Variants in FBXL5 observed in about 807,000 individuals in gnomAD.
The protein encoded by FBXL5 is F-box/LRR-repeat protein 5.
A neutral mutation model predicts 78.3 loss-of-function variants in FBXL5; 26 were observed. The ratio of observed to expected loss-of-function variants is 0.33; its 90% CI spans 0.24 to 0.46. The LOEUF is 0.46. FBXL5 is among the 20% of genes least tolerant of loss of function. The probability of loss-of-function intolerance (pLI) is 1.00; values close to 1 mark genes in which losing one functional copy is unlikely to be tolerated. For synonymous variants in FBXL5, 295 were observed against 282.5 expected (o/e 1.04, Z -0.45); for missense variants, 710 against 829.2 (o/e 0.86, Z 1.77).
chr4:15,653,207 T>C (rs556924491), intron 1 of FBXL5, among the ~76,000 whole-genome samples: 2 of 152,300 alleles, frequency 1.3e-5, no homozygotes, highest in African/African-American at 4.8e-5. Context: ...ATCTAATTAA[T>C]TCAGAATTAG....
chr4:15,610,771 T>C (rs1722198452), intron 10 of FBXL5, among the ~76,000 whole-genome samples: 1 of 152,088 alleles, frequency 6.6e-6, no homozygotes, highest in Non-Finnish European at 1.5e-5. Context: ...GTGAGATTTA[T>C]TCCAAAGCAT....
chr4:15,640,203 G>C lies in FBXL5; in HGVS notation c.396+585C>G, dbSNP rs115894167. Among the ~76,000 whole-genome samples, 531 of 152,010 alleles carry C rather than the reference G, an allele frequency of 3.5e-3. 6 individuals are homozygous for C. Among genetic ancestry groups the C allele is most frequent in the African/African-American group, 0.012 (514 of 41,454 alleles). On this transcript the variant is annotated intron_variant, in intron 3 of 10. Coordinates refer to ENST00000341285, the MANE Select transcript of FBXL5 (RefSeq NM_012161.4). ...TGACAGGCACATGCCACCATGCCCA[G>C]CTGATTTTTTTAATTTTTAGCAGAC...
At chr4:15,649,662 T>C (rs1287178897) in intron 1 of FBXL5, among the ~76,000 whole-genome samples, 1 of 151,090 alleles carries the variant, frequency 6.6e-6, no homozygotes, top group Admixed American at 6.6e-5. Context: ...TTTATATAAA[T>C]AGTTTTTAAA....
At chr4:15,677,445 T>G (rs558546919) in intron 1 of FBXL5, among the ~76,000 whole-genome samples, 2 of 152,270 alleles carry the variant, frequency 1.3e-5, no homozygotes, top group Admixed American at 6.5e-5. Context: ...CTAGGTACCT[T>G]CAGGATGGAG....
chr4:15,669,922 G>T (rs145835021), intron 1 of FBXL5, among the ~76,000 whole-genome samples: 1 of 152,082 alleles, frequency 6.6e-6, no homozygotes, highest in Non-Finnish European at 1.5e-5. Context: ...TTAAAGGGGC[G>T]GTAATCACCC....
intron 1 of FBXL5, among the ~76,000 whole-genome samples, chr4:15,669,551 A>C (rs1015419090): frequency 6.6e-6 from 1 of 152,220 alleles, no homozygotes; most frequent in African/African-American, 2.4e-5. Context: ...ATGCTTTATG[A>C]TAAAAAATTT....
chr4:15,653,059 A>C lies in FBXL5; in HGVS notation c.84+2145T>G, dbSNP rs868721779. 2.6e-5 allele frequency among the ~76,000 whole-genome samples: 4 copies of C among 152,312 alleles called. No individual in the cohort carries two copies. The Middle Eastern group carries it at 0.014, about 518-fold the overall frequency. ...AAAGGACATCCTAAGAGAGATTTCC[A>C]TTGGCTATCAGTATCAAGAAGAAAT... On this transcript the variant is annotated intron_variant, in intron 1 of 10. Transcript: ENST00000341285.
rs1302846730 is a variant in FBXL5 at position 15,605,819 on chromosome 4, T to C, written c.2000-20A>G. ...GAGGACCTGTATGAAAACAGAAAAATGTGAAAGGAGGAATTTCTTAGAGAT... is the reference window on the plus strand; with the variant it reads ...GAGGACCTGTATGAAAACAGAAAAACGTGAAAGGAGGAATTTCTTAGAGAT... On this transcript the variant is annotated intron_variant, in intron 10 of 10. Transcript: ENST00000341285. 1 of 1,589,840 alleles carries C rather than the reference T, an allele frequency of 6.3e-7. No homozygotes were observed. The highest frequency in any genetic ancestry group is 2.2e-5 in the East Asian group (1 of 44,796).
rs1714522751 is a variant in FBXL5 at position 15,638,632 on chromosome 4, T to C, written c.459A>G (p.Lys153=). The change falls in exon 4 of 11, where the codon AAA becomes AAG. Residue 153 remains lysine (K), a synonymous_variant. Coordinates refer to ENST00000341285, the MANE Select transcript of FBXL5 (RefSeq NM_012161.4). Reference sequence around the variant, plus strand: ...TCTGAGAGCAGTGTTGTGCAATCACTTTCTTTTTAATATCCTTAAGCTCTT... The same window carrying C: ...TCTGAGAGCAGTGTTGTGCAATCACCTTCTTTTTAATATCCTTAAGCTCTT... ...TYEELKDIKK[K]VIAQHCSQKD... 6.2e-7 allele frequency: 1 copy of C among 1,613,602 alleles called. No individual in the cohort carries two copies. The highest frequency in any genetic ancestry group is 2.2e-5 in the East Asian group (1 of 44,844).
chr4:15,641,719 G>T, intron 2 of FBXL5: 1 of 418,496 alleles, frequency 2.4e-6, no homozygotes, highest in Non-Finnish European at 4.7e-6. Flanking sequence ...TTGTTCAAGG[G>T]TCAACTGTAC....
chr4:15,625,391 T>C lies in FBXL5; in HGVS notation c.1711A>G (p.Arg571Gly), dbSNP rs1357072031. 2 of 1,614,226 alleles carry C rather than the reference T, an allele frequency of 1.2e-6. No individual in the cohort carries two copies. The highest frequency in any genetic ancestry group is 2.2e-5 in the South Asian group (2 of 91,076). The change falls in exon 9 of 11, where the codon AGA becomes GGA. Residue 571 changes from arginine to glycine, a missense_variant. Coordinates refer to ENST00000341285, the MANE Select transcript of FBXL5 (RefSeq NM_012161.4). ...SSLPESSAMCRKAARTRLPRG... is the reference protein window; with the variant it reads ...SSLPESSAMCGKAARTRLPRG... Reference sequence around the variant, plus strand: ...GGCAATCTAGTCCTTGCTGCTTTTCTACACATTGCAGAAGATTCTGGGAGT... The same window carrying C: ...GGCAATCTAGTCCTTGCTGCTTTTCCACACATTGCAGAAGATTCTGGGAGT...
chr4:15,636,135 T>C (rs1714237949), intron 5 of FBXL5, among the ~76,000 whole-genome samples: 1 of 152,116 alleles, frequency 6.6e-6, no homozygotes, highest in Non-Finnish European at 1.5e-5. Context: ...TTTTGAAAGC[T>C]TACTAATTGA....
chr4:15,649,578 CAAAAAAAAA>C (rs34238482), intron 1 of FBXL5, among the ~76,000 whole-genome samples: 10 of 81,354 alleles, frequency 1.2e-4, no homozygotes, highest in Admixed American at 1.5e-4. Flanking sequence ...GACTACGTCT[CAAAAAAAAA>C]AAAAAAAAAA....
chr4:15,627,079 A>G, intron 7 of FBXL5, 124 bp from the exon 8 acceptor site: 1 of 508,146 alleles, frequency 2.0e-6, no homozygotes, highest in Non-Finnish European at 3.6e-6. Context: ...AATCACTTGA[A>G]TACTTGAAAA....
At chr4:15,644,407 ACT>A in intron 2 of FBXL5, 84 bp downstream of exon 2, 2 of 1,041,094 alleles carry the variant, frequency 1.9e-6, no homozygotes, top group Non-Finnish European at 2.9e-6. Flanking sequence ...TACATCATTT[ACT>A]ATAAAACAGT....
intron 5 of FBXL5, among the ~76,000 whole-genome samples, chr4:15,635,764 A>T (rs1714188045): frequency 6.6e-6 from 1 of 151,510 alleles, no homozygotes; most frequent in South Asian, 2.1e-4. Flanking sequence ...AAAAAAAGAA[A>T]AAAAAAAAAA....
upstream of FBXL5, among the ~76,000 whole-genome samples, chr4:15,661,307 A>G (rs1414096147): frequency 6.6e-6 from 1 of 152,178 alleles, no homozygotes; most frequent in African/African-American, 2.4e-5. Context: ...GTAAAGCAAA[A>G]TGGGTTGGAG....
chr4:15,635,769 A>C (rs546884414), intron 5 of FBXL5, among the ~76,000 whole-genome samples: 1 of 151,928 alleles, frequency 6.6e-6, no homozygotes, highest in South Asian at 2.1e-4. Flanking sequence ...AAGAAAAAAA[A>C]AAAAAAAAAA....
In FBXL5 at chr4:15,677,930, C is replaced by T. The variant is rs943638002; in HGVS notation, c.-284+3453G>A. Reference sequence around the variant, plus strand: ...ATGGAGGCAGTCCTGTGGGACTGAGCGCTTAACCTGTGTGGCAACTGTGCT... The same window carrying T: ...ATGGAGGCAGTCCTGTGGGACTGAGTGCTTAACCTGTGTGGCAACTGTGCT... On this transcript the variant is annotated intron_variant, in intron 1 of 4. Coordinates refer to the FBXL5 transcript ENST00000507899. 3.4e-5 allele frequency among the ~76,000 whole-genome samples: 3 copies of T among 88,228 alleles called. No homozygotes were observed. The East Asian group carries it at 9.1e-4, about 27-fold the overall frequency. 57.9% of individuals were successfully genotyped at this position (88,228 alleles called of 152,430 possible).
Sources: allele counts gnomAD v4.1 joint callset (sites outside exome capture counted in the v4.1 genomes callset), GRCh38; gene constraint gnomAD v4.1.1; transcripts MANE v1.5; gene names NCBI Gene and HGNC (gene_info 2026-07-23, HGNC 2026-07-21).